Variants in NRXN3 observed in about 807,000 individuals in gnomAD.
NRXN3 encodes neurexin 3.
A neutral mutation model predicts 137.6 loss-of-function variants in NRXN3; 32 were observed. The observed-to-expected ratio is 0.23, with a 90% CI of 0.18 to 0.31. The LOEUF is 0.31. NRXN3 is among the 10% of genes least tolerant of loss of function. The pLI is 1.00. For synonymous variants in NRXN3, 798 were observed against 784.5 expected (o/e 1.02, Z -0.29); for missense variants, 1,574 against 2,062.5 (o/e 0.76, Z 4.59).
chr14:79,111,961 G>T (rs764519068), intron 15 of NRXN3, among the ~76,000 whole-genome samples: 2 of 152,126 alleles, frequency 1.3e-5, no homozygotes, highest in Non-Finnish European at 2.9e-5. Flanking sequence ...TCCAGTATGT[G>T]CATGACTAAG....
intron 19 of NRXN3, among the ~76,000 whole-genome samples, chr14:79,767,598 G>T (rs1044569333): frequency 6.6e-6 from 1 of 152,138 alleles, no homozygotes; most frequent in African/African-American, 2.4e-5. Flanking sequence ...ATCAGCTGGG[G>T]TACTTATCAT....
At chr14:78,385,448 T>G (rs1055915811) in intron 4 of NRXN3, among the ~76,000 whole-genome samples, 1 of 152,174 alleles carries the variant, frequency 6.6e-6, no homozygotes, top group Non-Finnish European at 1.5e-5. Context: ...TGAAATTAAT[T>G]GTGTTAAAAA....
chr14:79,281,197 T>C (rs545829714), intron 15 of NRXN3, among the ~76,000 whole-genome samples: 1 of 152,262 alleles, frequency 6.6e-6, no homozygotes, highest in Non-Finnish European at 1.5e-5. Context: ...AAGGAAGCAA[T>C]ATGTAAGATA....
intron 4 of NRXN3, among the ~76,000 whole-genome samples, chr14:78,470,614 A>G (rs868577662): frequency 1.4e-4 from 21 of 152,236 alleles, no homozygotes; most frequent in Middle Eastern, 6.8e-3. Context: ...TCTGACATTA[A>G]GATATAAGCT....
At chr14:79,619,579 T>C (rs76711743) in intron 16 of NRXN3, among the ~76,000 whole-genome samples, 15,238 of 152,092 alleles carry the variant, frequency 0.1, 880 homozygotes, top group Middle Eastern at 0.24. Context: ...ACTTTCTTTA[T>C]AGTATTTTCC....
Position 79,863,626 on chromosome 14 carries a change from A to G in NRXN3, c.*1662A>G, listed in dbSNP as rs2099416341. 1 of 151,756 alleles carries G rather than the reference A, an allele frequency of 6.6e-6. No individual in the cohort carries two copies. Among genetic ancestry groups the G allele is most frequent in the Admixed American group, 6.6e-5 (1 of 15,190 alleles). 9.4% of individuals were successfully genotyped at this position (151,756 alleles called of 1,614,324 possible). ...TTTAAGAAATGTTTTTTTCCTGTTT[A>G]TTTCTGTTTGGTTTATATTCTGGTT... On this transcript the variant is annotated 3_prime_UTR_variant, in exon 21 of 21. Coordinates refer to ENST00000335750, the MANE Select transcript of NRXN3 (RefSeq NM_001330195.2).
intron 4 of NRXN3, among the ~76,000 whole-genome samples, chr14:78,523,600 C>T (rs1177179801): frequency 9.0e-5 from 13 of 143,762 alleles, no homozygotes; most frequent in African/African-American, 3.1e-4. Flanking sequence ...GAGATTGAGA[C>T]CATCCTGGCT....
At chr14:78,594,826 A>C (rs2097146596) in intron 4 of NRXN3, among the ~76,000 whole-genome samples, 1 of 152,260 alleles carries the variant, frequency 6.6e-6, no homozygotes, top group Admixed American at 6.5e-5. Flanking sequence ...CAGGAATCAC[A>C]GTTGGTTCCC....
At chr14:79,368,442 A>G (rs2093976891) in intron 15 of NRXN3, among the ~76,000 whole-genome samples, 1 of 152,350 alleles carries the variant, frequency 6.6e-6, no homozygotes, top group African/African-American at 2.4e-5. Context: ...CACAGAATAA[A>G]GAAAACTTGT....
intron 20 of NRXN3, among the ~76,000 whole-genome samples, chr14:79,831,392 TG>T (rs2099323008): frequency 6.6e-6 from 1 of 152,200 alleles, no homozygotes; most frequent in Non-Finnish European, 1.5e-5. Flanking sequence ...ACATGCAAGA[TG>T]GGAACACGCT....
chr14:78,678,380 C>A (rs6574462), intron 6 of NRXN3, among the ~76,000 whole-genome samples: 1 of 150,826 alleles, frequency 6.6e-6, no homozygotes. Context: ...CTTGAACTCC[C>A]GGGCTCAAGC....
intron 4 of NRXN3, among the ~76,000 whole-genome samples, chr14:78,306,301 T>C (rs2077363342): frequency 6.6e-6 from 1 of 152,224 alleles, no homozygotes; most frequent in Admixed American, 6.5e-5. Flanking sequence ...CTTTCTCCTC[T>C]AAGGTATGAA....
chr14:78,583,298 A>G (rs1231467042), intron 4 of NRXN3, among the ~76,000 whole-genome samples: 7 of 152,262 alleles, frequency 4.6e-5, no homozygotes, highest in South Asian at 2.1e-4. Context: ...CTAAAATATT[A>G]AATGTGAGGA....
intron 15 of NRXN3, among the ~76,000 whole-genome samples, chr14:79,045,827 G>C (rs1595337483): frequency 6.6e-6 from 1 of 152,198 alleles, no homozygotes; most frequent in Non-Finnish European, 1.5e-5. Flanking sequence ...GGACCACCTA[G>C]TGATCTTGTT....
At chr14:79,314,408 G>C (rs1311649480) in intron 15 of NRXN3, among the ~76,000 whole-genome samples, 3 of 31,740 alleles carry the variant, frequency 9.5e-5, no homozygotes, top group African/African-American at 3.6e-4. Context: ...TGGCTCAGAG[G>C]GTCCTACGCC....
chr14:79,033,992 A>G (rs2099611908), intron 15 of NRXN3, among the ~76,000 whole-genome samples: 1 of 152,144 alleles, frequency 6.6e-6, no homozygotes. Context: ...GATGGGTTGC[A>G]TAGTGGCCTT....
chr14:78,295,964 A>T (rs79109404), intron 3 of NRXN3, among the ~76,000 whole-genome samples: 1 of 152,098 alleles, frequency 6.6e-6, no homozygotes, highest in East Asian at 1.9e-4. Flanking sequence ...TCTCAGGGGT[A>T]AAATGTTTGC....
intron 6 of NRXN3, among the ~76,000 whole-genome samples, chr14:78,697,717 C>G (rs995671034): frequency 7.2e-5 from 11 of 151,908 alleles, no homozygotes; most frequent in African/African-American, 2.4e-4. Context: ...GTAAAGAAAC[C>G]TTTTTTGGAA....
chr14:78,597,164 G>A (rs149576619), intron 4 of NRXN3, among the ~76,000 whole-genome samples: 36 of 152,336 alleles, frequency 2.4e-4, no homozygotes, highest in Admixed American at 9.8e-4. Flanking sequence ...TCGGGGATGA[G>A]GTGGTCTGAG....
Sources: gnomAD v4.1 joint callset for allele counts (sites outside exome capture counted in the v4.1 genomes callset) on GRCh38, gnomAD v4.1.1 for gene constraint, MANE v1.5 for transcripts, NCBI Gene and HGNC (gene_info 2026-07-23, HGNC 2026-07-21) for gene names.